Variants in CYP7B1 observed in about 807,000 individuals in gnomAD.
CYP7B1 encodes the protein cytochrome P450 family 7 subfamily B member 1, also known as cytochrome P450 7B1.
A neutral mutation model predicts 42.7 loss-of-function variants in CYP7B1; 29 were observed. The observed-to-expected ratio is 0.68, with a 90% CI of 0.51 to 0.93. The LOEUF is 0.93. CYP7B1 is among the 40% of genes least tolerant of loss of function. CYP7B1 has a pLI of 0.00. For missense variants in CYP7B1, 655 were observed against 600.5 expected, an observed-to-expected ratio of 1.09 and a Z score of -0.95; for synonymous variants, 235 against 218.2, an observed-to-expected ratio of 1.08 and a Z score of -0.68.
At chr8:64,601,917 T>C (rs1316929950) in intron 5 of CYP7B1, among the ~76,000 whole-genome samples, 1 of 152,216 alleles carries the variant, frequency 6.6e-6, no homozygotes, top group Non-Finnish European at 1.5e-5. Flanking sequence ...AGTATTGCTA[T>C]ATTTATACAC....
chr8:64,682,480 A>C (rs533370691), intron 1 of CYP7B1, among the ~76,000 whole-genome samples: 4 of 152,342 alleles, frequency 2.6e-5, no homozygotes, highest in East Asian at 1.9e-4. Context: ...TCCTCATTTC[A>C]ACCACTGACA....
chr8:64,756,667 G>C (rs1192997030), intron 1 of CYP7B1, among the ~76,000 whole-genome samples: 1 of 152,174 alleles, frequency 6.6e-6, no homozygotes, highest in Non-Finnish European at 1.5e-5. Context: ...ATCTGCTTCA[G>C]TGTAGCCTCT....
At chr8:64,644,028 A>G (rs1805908588) in intron 1 of CYP7B1, among the ~76,000 whole-genome samples, 1 of 152,182 alleles carries the variant, frequency 6.6e-6, no homozygotes, top group Non-Finnish European at 1.5e-5. Flanking sequence ...TAATCTCAGC[A>G]CTTTGGGAGA....
chr8:64,673,293 T>A (rs1806394526), intron 1 of CYP7B1, among the ~76,000 whole-genome samples: 1 of 152,196 alleles, frequency 6.6e-6, no homozygotes, highest in Admixed American at 6.5e-5. Flanking sequence ...GGCCTTCAGC[T>A]CTGTTCAGGA....
intron 5 of CYP7B1, among the ~76,000 whole-genome samples, chr8:64,599,227 C>T (rs1285957724): frequency 2.6e-5 from 4 of 151,964 alleles, no homozygotes; most frequent in Middle Eastern, 3.4e-3. Flanking sequence ...CTCGCTCTGT[C>T]GCCCAGGTTG....
chr8:64,684,706 G>T (rs1285457055), intron 1 of CYP7B1, among the ~76,000 whole-genome samples: 2 of 152,176 alleles, frequency 1.3e-5, no homozygotes, highest in Non-Finnish European at 2.9e-5. Flanking sequence ...TTTGGTGACA[G>T]ATCCAATTAA....
At chr8:64,695,753 T>C (rs1317642419) in intron 1 of CYP7B1, among the ~76,000 whole-genome samples, 1 of 152,030 alleles carries the variant, frequency 6.6e-6, no homozygotes, top group Non-Finnish European at 1.5e-5. Flanking sequence ...CATGTTCTCT[T>C]GGGCTTGGCA....
intron 1 of CYP7B1, among the ~76,000 whole-genome samples, chr8:64,745,860 T>C (rs1225429882): frequency 6.6e-6 from 1 of 152,182 alleles, no homozygotes; most frequent in South Asian, 2.1e-4. Context: ...GTGAATTGCT[T>C]AGAAACAATG....
At chr8:64,729,480 T>A (rs1807376002) in intron 1 of CYP7B1, among the ~76,000 whole-genome samples, 1 of 152,208 alleles carries the variant, frequency 6.6e-6, no homozygotes, top group Non-Finnish European at 1.5e-5. Flanking sequence ...AATGCAAAAA[T>A]TTATGATTGT....
At position 64,600,991 on chromosome 8, in the gene CYP7B1, T is replaced by C. The variant is rs112485328; in HGVS notation, c.1233+3691A>G. Among the ~76,000 whole-genome samples the C allele has an allele frequency of 3.2e-3, 489 of 152,334 alleles. 8 individuals carry two copies. The highest frequency in any genetic ancestry group is 0.011 in the African/African-American group (477 of 41,582). The stretch of plus-strand genomic sequence containing the variant: ...AAGTGATTTCTGGATAGTAATTAAT[T>C]GATATATGTTTGTTTCCTTTAAGTC... On this transcript the variant is annotated intron_variant, in intron 5 of 5. Transcript: ENST00000310193.
chr8:64,739,702 T>G (rs138276196), intron 1 of CYP7B1, among the ~76,000 whole-genome samples: 255 of 152,264 alleles, frequency 1.7e-3, no homozygotes, highest in African/African-American at 5.9e-3. Flanking sequence ...TGAAATAACA[T>G]ACACAGAAAA....
Position 64,628,339 on chromosome 8 carries a change from C to A in CYP7B1, c.123-3800G>T, listed in dbSNP as rs529893648. Among the ~76,000 whole-genome samples, 10 of 152,270 alleles carry A rather than the reference C, an allele frequency of 6.6e-5. No homozygotes were observed. The South Asian group carries it at 2.1e-3, about 32-fold the overall frequency. On this transcript the variant is annotated intron_variant, in intron 1 of 5. Transcript: ENST00000310193. ...GTGTGTGCAAAATGTCATCTACAGTCCAAAGTTATCTGGAAACAAATTTTG... is the reference window on the plus strand; with the variant it reads ...GTGTGTGCAAAATGTCATCTACAGTACAAAGTTATCTGGAAACAAATTTTG...
chr8:64,638,734 C>T (rs1585823615), intron 1 of CYP7B1, among the ~76,000 whole-genome samples: 1 of 151,952 alleles, frequency 6.6e-6, no homozygotes, highest in African/African-American at 2.4e-5. Flanking sequence ...CCAACACTCG[C>T]GTAAGTGATA....
chr8:64,679,474 G>C (rs1298790021), intron 1 of CYP7B1, among the ~76,000 whole-genome samples: 1 of 152,006 alleles, frequency 6.6e-6, no homozygotes, highest in Non-Finnish European at 1.5e-5. Context: ...TAAAAAAATT[G>C]GGCAAAAGGC....
Position 64,793,673 on chromosome 8 carries a change from A to G in CYP7B1, c.122+4793T>C, listed in dbSNP as rs116876114. On this transcript the variant is annotated intron_variant, in intron 1 of 5. Transcript: ENST00000310193. The stretch of plus-strand genomic sequence containing the variant: ...ACTACCCATAAGGCTGGTCCTTCCA[A>G]TGGAAATGATAATTTAAAACACTTT... Among the ~76,000 whole-genome samples the G allele has an allele frequency of 2.4e-3, 364 of 152,250 alleles. 10 individuals are homozygous for G. The East Asian group carries it at 0.063, about 27-fold the overall frequency.
chr8:64,628,389 C>T (rs899240556), intron 1 of CYP7B1, among the ~76,000 whole-genome samples: 7 of 152,128 alleles, frequency 4.6e-5, no homozygotes, highest in Non-Finnish European at 5.9e-5. Flanking sequence ...TGGTTCATGC[C>T]TGTAATCCCA....
chr8:64,751,581 T>C (rs747357923), intron 1 of CYP7B1, among the ~76,000 whole-genome samples: 23 of 152,276 alleles, frequency 1.5e-4, no homozygotes, highest in Non-Finnish European at 2.5e-4. Context: ...AGCACCTCTA[T>C]GATTATTTCC....
chr8:64,735,664 G>A (rs1229134641), intron 1 of CYP7B1, among the ~76,000 whole-genome samples: 1 of 152,116 alleles, frequency 6.6e-6, no homozygotes, highest in Non-Finnish European at 1.5e-5. Context: ...TTTGTTACGG[G>A]GAAGGGGGAG....
At chr8:64,632,800 C>T (rs1310368326) in intron 1 of CYP7B1, among the ~76,000 whole-genome samples, 1 of 152,058 alleles carries the variant, frequency 6.6e-6, no homozygotes, top group African/African-American at 2.4e-5. Flanking sequence ...TAATGTCCCT[C>T]TCATCACTGC....
Sources: gnomAD v4.1 joint callset for allele counts (sites outside exome capture counted in the v4.1 genomes callset) on GRCh38, gnomAD v4.1.1 for gene constraint, MANE v1.5 for transcripts, NCBI Gene and HGNC (gene_info 2026-07-23, HGNC 2026-07-21) for gene names.